Variants in SPTLC2 observed in about 807,000 individuals in gnomAD.
SPTLC2 encodes the protein serine palmitoyltransferase long chain base subunit 2, also known as serine palmitoyltransferase 2.
A neutral mutation model predicts 62.0 loss-of-function variants in SPTLC2; 21 were observed. The observed-to-expected ratio is 0.34, with a 90% CI of 0.24 to 0.49. The LOEUF is 0.49. SPTLC2 is among the 20% of genes least tolerant of loss of function. The pLI is 0.99. For synonymous variants in SPTLC2, 261 were observed against 261.8 expected (o/e 1.00, Z 0.03); for missense variants, 511 against 713.0 (o/e 0.72, Z 3.23).
intron 7 of SPTLC2, among the ~76,000 whole-genome samples, chr14:77,556,313 A>T (rs1042466456): frequency 7.5e-5 from 10 of 132,482 alleles, no homozygotes; most frequent in Admixed American, 1.6e-4. Flanking sequence ...ATTCCATCTT[A>T]AAAAAAAAGC....
chr14:77,584,612 T>C (rs1180222292), intron 2 of SPTLC2, among the ~76,000 whole-genome samples: 3 of 152,140 alleles, frequency 2.0e-5, no homozygotes, highest in Non-Finnish European at 4.4e-5. Context: ...CCTTCTAACT[T>C]TACTCTGTGC....
At chr14:77,567,802 C>A (rs1298034529) in intron 5 of SPTLC2, among the ~76,000 whole-genome samples, 1 of 131,054 alleles carries the variant, frequency 7.6e-6, no homozygotes, top group Non-Finnish European at 1.7e-5. Context: ...ATTTGTTTTT[C>A]TTTTTCTAAT....
intron 2 of SPTLC2, 147 bp from the exon 3 acceptor site, chr14:77,579,256 A>G (rs1595002125): frequency 1.2e-6 from 1 of 807,184 alleles, no homozygotes; most frequent in South Asian, 1.6e-5. Flanking sequence ...TGGACAAGTC[A>G]GGGATTTTAC....
chr14:77,567,424 T>C (rs2079651527), intron 5 of SPTLC2, among the ~76,000 whole-genome samples: 1 of 152,236 alleles, frequency 6.6e-6, no homozygotes, highest in Non-Finnish European at 1.5e-5. Flanking sequence ...GGCTTGTACT[T>C]CAAAATGCAG....
intron 9 of SPTLC2, among the ~76,000 whole-genome samples, chr14:77,533,480 T>A (rs1234339377): frequency 1.3e-5 from 2 of 152,112 alleles, no homozygotes; most frequent in African/African-American, 4.8e-5. Flanking sequence ...ACCTAACACC[T>A]TTACCAAATT....
intron 9 of SPTLC2, among the ~76,000 whole-genome samples, chr14:77,526,920 G>A (rs1334567363): frequency 3.3e-5 from 5 of 150,536 alleles, no homozygotes; most frequent in African/African-American, 1.2e-4. Flanking sequence ...TCAGACTCCC[G>A]AGTAGCTGGG....
intron 9 of SPTLC2, among the ~76,000 whole-genome samples, chr14:77,529,033 T>G (rs2079422972): frequency 6.6e-6 from 1 of 152,114 alleles, no homozygotes; most frequent in Non-Finnish European, 1.5e-5. Context: ...AGACAGGGTT[T>G]CACCATGTTG....
At chr14:77,516,151 A>G (rs911780768) in intron 11 of SPTLC2, among the ~76,000 whole-genome samples, 2 of 152,212 alleles carry the variant, frequency 1.3e-5, no homozygotes, top group Admixed American at 6.5e-5. Context: ...ATAAGACAAA[A>G]TGACTTTAAC....
intron 9 of SPTLC2, among the ~76,000 whole-genome samples, chr14:77,533,333 G>C (rs1045196694): frequency 6.6e-6 from 1 of 151,410 alleles, no homozygotes; most frequent in Non-Finnish European, 1.5e-5. Flanking sequence ...AACTGTCTCT[G>C]GGTGAGTATA....
At chr14:77,600,651 A>T (rs1273752844) in intron 1 of SPTLC2, among the ~76,000 whole-genome samples, 1 of 152,236 alleles carries the variant, frequency 6.6e-6, no homozygotes, top group African/African-American at 2.4e-5. Flanking sequence ...GTCTGTTCAC[A>T]GTCTGTTCAC....
intron 2 of SPTLC2, among the ~76,000 whole-genome samples, chr14:77,592,141 CTTTTTT>C (rs913202292): frequency 7.0e-6 from 1 of 143,438 alleles, no homozygotes; most frequent in Non-Finnish European, 1.5e-5. Flanking sequence ...TAGTACGCTA[CTTTTTT>C]TTTTTTATTT....
At chr14:77,540,243 T>C (rs1414096890) in intron 9 of SPTLC2, among the ~76,000 whole-genome samples, 1 of 147,272 alleles carries the variant, frequency 6.8e-6, no homozygotes, top group Non-Finnish European at 1.5e-5. Context: ...AAGAAGGTCC[T>C]CTGGATATGT....
chr14:77,547,163 C>A (rs138149034), intron 9 of SPTLC2, among the ~76,000 whole-genome samples: 1 of 133,312 alleles, frequency 7.5e-6, no homozygotes, highest in East Asian at 2.3e-4. Flanking sequence ...TCGCACCCGG[C>A]GGAAACAAGT....
Position 77,566,994 on chromosome 14 carries a change from G to A in SPTLC2, c.756+3390C>T, listed in dbSNP as rs150099345. ...AATATAAATCTTTTTTTTTTGAGAC[G>A]GAGTCTCGCTCTGTCCCCCAGGCTG... On this transcript the variant is annotated intron_variant, in intron 5 of 11. Transcript: ENST00000216484. 5.4e-3 allele frequency among the ~76,000 whole-genome samples: 806 copies of A among 150,620 alleles called. 9 individuals are homozygous for A. The highest frequency in any genetic ancestry group is 0.019 in the African/African-American group (779 of 41,064).
chr14:77,557,363 A>C, intron 6 of SPTLC2: 1 of 570,928 alleles, frequency 1.8e-6, no homozygotes, highest in Non-Finnish European at 3.1e-6. Flanking sequence ...TCGAAACTTG[A>C]CTAAAGGACG....
At chr14:77,579,809 CA>C (rs1022300308) in intron 2 of SPTLC2, among the ~76,000 whole-genome samples, 1 of 152,156 alleles carries the variant, frequency 6.6e-6, no homozygotes, top group Non-Finnish European at 1.5e-5. Flanking sequence ...TATTTTAACA[CA>C]ACTCTTATCA....
Position 77,510,178 on chromosome 14 carries a change from T to A in SPTLC2, c.*2106A>T. 2 of 376,406 alleles carry A rather than the reference T, an allele frequency of 5.3e-6. No individual in the cohort carries two copies. Among genetic ancestry groups the A allele is most frequent in the East Asian group, 7.6e-5 (2 of 26,232 alleles). 23.3% of individuals were successfully genotyped at this position (376,406 alleles called of 1,614,324 possible). A position where few individuals can be genotyped will look rare whatever the true frequency, so the allele number is the denominator to read the frequency against. ...TACTTTAACCTATACATGCTAAATA[T>A]AGTCTCTGCATCTCTCCTTGGTTCT... On this transcript the variant is annotated 3_prime_UTR_variant, in exon 12 of 12. Transcript: ENST00000216484.
intron 11 of SPTLC2, among the ~76,000 whole-genome samples, chr14:77,517,791 A>G (rs2079366272): frequency 6.6e-6 from 1 of 152,038 alleles, no homozygotes; most frequent in Admixed American, 6.6e-5. Context: ...TGGAAAGAGA[A>G]TTGTAGAGTC....
chr14:77,604,060 C>A (rs1267859909), intron 1 of SPTLC2, among the ~76,000 whole-genome samples: 1 of 152,186 alleles, frequency 6.6e-6, no homozygotes, highest in Non-Finnish European at 1.5e-5. Context: ...AGAGGCAATC[C>A]GGTTTGTGTC....
Sources: gnomAD v4.1 joint callset for allele counts (sites outside exome capture counted in the v4.1 genomes callset) on GRCh38, gnomAD v4.1.1 for gene constraint, MANE v1.5 for transcripts, NCBI Gene and HGNC (gene_info 2026-07-23, HGNC 2026-07-21) for gene names.